Variants in TAF4 observed in about 807,000 individuals in gnomAD.
The protein encoded by TAF4 is TATA-box binding protein associated factor 4, also known as transcription initiation factor TFIID subunit 4.
TAF4 carries 9 observed loss-of-function variants against 90.3 expected under a neutral mutation model. That is an observed-to-expected ratio of 0.10 (90% CI 0.06 to 0.17). The LOEUF (loss-of-function observed/expected upper bound fraction) is 0.17, where lower values mean the gene tolerates loss of function less well. TAF4 is among the 10% of genes least tolerant of loss of function. The pLI is 1.00. For missense variants in TAF4, 1,351 were observed against 1,370.7 expected, an observed-to-expected ratio of 0.99 and a Z score of 0.23; for synonymous variants, 818 against 638.9, an observed-to-expected ratio of 1.28 and a Z score of -4.23.
intron 1 of TAF4, among the ~76,000 whole-genome samples, chr20:62,046,286 G>C (rs2055992825): frequency 6.6e-6 from 1 of 152,192 alleles, no homozygotes; most frequent in African/African-American, 2.4e-5. Flanking sequence ...TGAAAAGTTT[G>C]GGCAAATGTA....
At chr20:62,014,739 G>T (rs371600866) in intron 1 of TAF4, 32 bp from the exon 2 acceptor site, 3 of 1,609,716 alleles carry the variant, frequency 1.9e-6, no homozygotes, top group African/African-American at 1.3e-5. Flanking sequence ...CGTCAGGAAC[G>T]CAACCACCCC....
intron 1 of TAF4, among the ~76,000 whole-genome samples, chr20:62,035,346 C>CT (rs1478995930): frequency 1.1e-4 from 16 of 152,288 alleles, no homozygotes; most frequent in African/African-American, 3.9e-4. Context: ...CAGGATGCTA[C>CT]TGATGAAAGG....
intron 1 of TAF4, among the ~76,000 whole-genome samples, chr20:62,018,089 G>A (rs1406082759): frequency 6.6e-6 from 1 of 152,208 alleles, no homozygotes; most frequent in Non-Finnish European, 1.5e-5. Flanking sequence ...ACTTCAGGCA[G>A]GTACAACGTA....
At chr20:61,998,018 A>T (rs1440970189) in intron 13 of TAF4, 118 bp downstream of exon 13, 4 of 975,504 alleles carry the variant, frequency 4.1e-6, no homozygotes, top group African/African-American at 1.7e-5. Context: ...CAAACATTTT[A>T]AACAGACACG....
chr20:61,997,404 TA>T, intron 14 of TAF4, 145 bp downstream of exon 14: 1 of 1,091,456 alleles, frequency 9.2e-7, no homozygotes, highest in Non-Finnish European at 1.2e-6. Context: ...ATGTCAAACG[TA>T]AAACAAATAC....
chr20:62,061,475 A>T (rs2056088309), intron 1 of TAF4, among the ~76,000 whole-genome samples: 1 of 152,260 alleles, frequency 6.6e-6, no homozygotes, highest in South Asian at 2.1e-4. Flanking sequence ...AAAGGAGAGT[A>T]AATTCTGCAT....
chr20:62,025,875 A>C (rs1237697618), intron 1 of TAF4, among the ~76,000 whole-genome samples: 1 of 152,156 alleles, frequency 6.6e-6, no homozygotes, highest in East Asian at 1.9e-4. Context: ...GGCTAGAGAG[A>C]GGCAGAGGCC....
intron 14 of TAF4, among the ~76,000 whole-genome samples, chr20:61,986,530 A>ATCAAAGGAAACACCATCCCCAG: frequency 6.6e-6 from 1 of 152,210 alleles, no homozygotes; most frequent in African/African-American, 2.4e-5. Flanking sequence ...ACCATCCCCC[A>ATCAAAGGAAACACCATCCCCAG]TCAAAGGAAA....
chr20:62,029,195 C>CAA (rs917455667), intron 1 of TAF4, among the ~76,000 whole-genome samples: 170 of 62,732 alleles, frequency 2.7e-3, no homozygotes, highest in African/African-American at 5.3e-3. Flanking sequence ...GACTCTGTCT[C>CAA]AAAAAAAAAA....
At chr20:62,019,684 C>T (rs1270925667) in intron 1 of TAF4, among the ~76,000 whole-genome samples, 2 of 152,172 alleles carry the variant, frequency 1.3e-5, no homozygotes, top group African/African-American at 4.8e-5. Flanking sequence ...TCCAGGGACC[C>T]ACGTCCCCAG....
chr20:62,010,237 G>A lies in TAF4; in HGVS notation c.1642-72C>T, dbSNP rs553412509. On this transcript the variant is annotated intron_variant, in intron 3 of 14. Coordinates refer to ENST00000252996, the MANE Select transcript of TAF4 (RefSeq NM_003185.4). This position sits in a 1 kb window ranked among gnomAD's most constrained non-coding sequence, Gnocchi z 4.5. The stretch of plus-strand genomic sequence containing the variant: ...CTGACGAGGGGGAGACCAGCCTCAC[G>A]CCCAGCAAAAGAAAACAAGCCTCCC... 48 of 1,603,698 alleles carry A rather than the reference G, an allele frequency of 3.0e-5. No individual in the cohort carries two copies. Among genetic ancestry groups the A allele is most frequent in the Middle Eastern group, 1.7e-4 (1 of 5,952 alleles).
chr20:61,984,135 G>A (rs2055567535), intron 14 of TAF4, among the ~76,000 whole-genome samples: 1 of 152,188 alleles, frequency 6.6e-6, no homozygotes, highest in South Asian at 2.1e-4. Flanking sequence ...CCGGAAGACT[G>A]AGCGACCTCA....
intron 1 of TAF4, among the ~76,000 whole-genome samples, chr20:62,026,205 C>T (rs1311047892): frequency 6.6e-6 from 1 of 152,100 alleles, no homozygotes; most frequent in Non-Finnish European, 1.5e-5. Flanking sequence ...AGGAGCTGCC[C>T]GAGAGTCGTA....
intron 1 of TAF4, among the ~76,000 whole-genome samples, chr20:62,039,570 A>C (rs547552734): frequency 7.9e-5 from 12 of 152,374 alleles, no homozygotes; most frequent in Non-Finnish European, 1.6e-4. Context: ...TTATTTAAGA[A>C]GGCACAGGAC....
chr20:62,008,939 A>G (rs1432124416), intron 5 of TAF4, 113 bp downstream of exon 5: 2 of 1,403,250 alleles, frequency 1.4e-6, no homozygotes, highest in Non-Finnish European at 1.9e-6. Flanking sequence ...AGCCTTCCAG[A>G]GGAGCTCTCC....
chr20:62,064,872 GGGGGCTGCCCC>G lies in TAF4; in HGVS notation c.928_938del (p.Gly310ArgfsTer148). 1.1e-6 allele frequency: 1 copy of G among 927,412 alleles called. No homozygotes were observed. The highest frequency in any genetic ancestry group is 1.3e-6 in the Non-Finnish European group (1 of 782,560). The allele number at this position is 927,412 out of a possible 1,614,324, so 57.4% of individuals were successfully genotyped here. ...GGCCCCCGGCGGCCGGGGCGGGGGC[GGGGGCTGCCCC>G]GGCGCTGCCCCCGTTCTGGGCGGCG... On this transcript the variant is annotated frameshift_variant, in exon 1 of 15. Transcript: ENST00000252996. LOFTEE classifies it high-confidence loss of function.
rs764509413 is a variant in TAF4, at chr20:61,997,631, G to C, written c.3009C>G (p.Asp1003Glu). 2.5e-6 allele frequency: 4 copies of C among 1,613,190 alleles called. No homozygotes were observed. The highest frequency in any genetic ancestry group is 1.3e-5 in the African/African-American group (1 of 74,850). The part of the protein sequence containing the change: ...QQELAQMRQR[D>E]ANLTALAAIG... ...TCGCTGCTAGTGCTGTGAGGTTGGC[G>C]TCCCGCTGTCTCATTTGTGCCAGTT... The change falls in exon 14 of 15, where the codon GAC becomes GAG. Residue 1003 changes from aspartate to glutamate, a missense_variant. Around this residue, in one of 9 missense-constraint regions of TAF4, gnomAD observed 18 missense variants for 60.0 expected, o/e 0.30. Transcript: ENST00000252996.
intron 14 of TAF4, among the ~76,000 whole-genome samples, chr20:61,977,379 C>A (rs778118963): frequency 1.6e-4 from 25 of 152,202 alleles, no homozygotes; most frequent in Non-Finnish European, 2.8e-4. Context: ...ACAAAGATTA[C>A]GATGGCATCT....
chr20:61,982,172 CGA>C (rs2055549091), intron 14 of TAF4, among the ~76,000 whole-genome samples: 1 of 4,214 alleles, frequency 2.4e-4, no homozygotes, highest in African/African-American at 8.0e-4. Context: ...ACACCCCACC[CGA>C]GAGGAGACAC....
Sources: gnomAD v4.1 joint callset for allele counts (sites outside exome capture counted in the v4.1 genomes callset) on GRCh38, gnomAD v4.1.1 for gene constraint, gnomAD v4.1.1 regional missense constraint, Gnocchi (gnomAD v3.1) non-coding constraint, MANE v1.5 for transcripts, NCBI Gene and HGNC (gene_info 2026-07-23, HGNC 2026-07-21) for gene names.